The following NRG1 variants were observed in gnomAD, a reference collection of about 807,000 sequenced individuals.
The protein encoded by NRG1 is pro-neuregulin-1, membrane-bound isoform.
NRG1 carries 18 observed loss-of-function variants against 63.8 expected under a neutral mutation model. The observed-to-expected ratio is 0.28, with a 90% CI of 0.19 to 0.42. The LOEUF (loss-of-function observed/expected upper bound fraction) is 0.42. Ranked by LOEUF, NRG1 falls within the 10% of genes least tolerant of loss-of-function variation. The pLI is 1.00. For synonymous variants in NRG1, 302 were observed against 301.3 expected (o/e 1.00, Z -0.02); for missense variants, 762 against 814.7 (o/e 0.94, Z 0.79).
At chr8:31,751,232 G>A (rs1030518618) in intron 1 of NRG1, among the ~76,000 whole-genome samples, 1 of 151,978 alleles carries the variant, frequency 6.6e-6, no homozygotes, top group Non-Finnish European at 1.5e-5. Flanking sequence ...GGCTCTCTCT[G>A]TATATCACTT....
At chr8:32,652,824 C>T (rs983534913) in intron 5 of NRG1, among the ~76,000 whole-genome samples, 5 of 152,020 alleles carry the variant, frequency 3.3e-5, no homozygotes, top group Non-Finnish European at 7.4e-5. Flanking sequence ...TCCCAGAAAA[C>T]GATGTTCCAA....
At chr8:31,856,911 C>T in intron 1 of NRG1, among the ~76,000 whole-genome samples, 1 of 152,172 alleles carries the variant, frequency 6.6e-6, no homozygotes, top group Non-Finnish European at 1.5e-5. Context: ...GGATGCCTCC[C>T]AGTTAGGCTG....
chr8:32,670,347 C>T (rs944726344), intron 5 of NRG1, among the ~76,000 whole-genome samples: 4 of 152,122 alleles, frequency 2.6e-5, no homozygotes, highest in Non-Finnish European at 5.9e-5. Context: ...TTTTTGCTTC[C>T]ACATGGAATC....
intron 1 of NRG1, among the ~76,000 whole-genome samples, chr8:31,828,605 C>G (rs1301442251): frequency 2.0e-5 from 3 of 152,144 alleles, no homozygotes; most frequent in African/African-American, 7.2e-5. Flanking sequence ...TGGCAGAAAG[C>G]AAAACAGCAG....
intron 1 of NRG1, among the ~76,000 whole-genome samples, chr8:32,135,255 A>G (rs2131667707): frequency 6.6e-6 from 1 of 152,314 alleles, no homozygotes; most frequent in South Asian, 2.1e-4. Context: ...GGAGAAGACT[A>G]TGCTGAGGAA....
At chr8:32,464,639 C>A (rs1436209053) in intron 1 of NRG1, among the ~76,000 whole-genome samples, 1 of 152,086 alleles carries the variant, frequency 6.6e-6, no homozygotes, top group Non-Finnish European at 1.5e-5. Context: ...CTTGTACAAC[C>A]ATTATATCTG....
intron 1 of NRG1, among the ~76,000 whole-genome samples, chr8:32,506,968 C>T: frequency 6.6e-6 from 1 of 152,108 alleles, no homozygotes; most frequent in East Asian, 1.9e-4. Context: ...TACCCTCAAC[C>T]CATTTAGCCA....
intron 1 of NRG1, among the ~76,000 whole-genome samples, chr8:32,372,482 C>T (rs1809033736): frequency 6.6e-6 from 1 of 152,088 alleles, no homozygotes; most frequent in Non-Finnish European, 1.5e-5. Flanking sequence ...TAGAAGGCAG[C>T]AATTGGTGAG....
chr8:31,689,930 A>G (rs1809316936), intron 1 of NRG1, among the ~76,000 whole-genome samples: 1 of 152,212 alleles, frequency 6.6e-6, no homozygotes, highest in East Asian at 1.9e-4. Context: ...ATATTTGAGT[A>G]AAGGCTTTGA....
At chr8:32,724,346 AT>A (rs747305880) in intron 5 of NRG1, among the ~76,000 whole-genome samples, 1 of 152,138 alleles carries the variant, frequency 6.6e-6, no homozygotes, top group Non-Finnish European at 1.5e-5. Flanking sequence ...CATCTTTTAT[AT>A]ATTGAAACAT....
intron 1 of NRG1, among the ~76,000 whole-genome samples, chr8:32,372,284 C>G (rs1046751065): frequency 3.9e-5 from 6 of 151,934 alleles, no homozygotes; most frequent in Non-Finnish European, 5.9e-5. Flanking sequence ...CCCAGTGTGC[C>G]CAGCGCTGTT....
intron 1 of NRG1, among the ~76,000 whole-genome samples, chr8:31,788,445 T>C (rs535621256): frequency 1.3e-5 from 2 of 152,316 alleles, no homozygotes; most frequent in South Asian, 4.1e-4. Flanking sequence ...ACCTATTGTC[T>C]TCTTAAATCT....
chr8:32,523,815 C>A (rs1288078291), intron 1 of NRG1, among the ~76,000 whole-genome samples: 1 of 151,934 alleles, frequency 6.6e-6, no homozygotes, highest in Non-Finnish European at 1.5e-5. Context: ...TGCACTCCAG[C>A]CTGGGAGACA....
At chr8:32,533,085 A>G (rs558796727) in intron 1 of NRG1, among the ~76,000 whole-genome samples, 1 of 151,530 alleles carries the variant, frequency 6.6e-6, no homozygotes, top group South Asian at 2.1e-4. Context: ...TTTTTTCTTT[A>G]TCTTTCATAA....
At chr8:31,734,298 C>T (rs1365309324) in intron 1 of NRG1, among the ~76,000 whole-genome samples, 3 of 152,146 alleles carry the variant, frequency 2.0e-5, no homozygotes, top group African/African-American at 4.8e-5. Context: ...TGCACTCCAG[C>T]CTGGGTGACA....
intron 1 of NRG1, among the ~76,000 whole-genome samples, chr8:31,822,624 C>A (rs531850989): frequency 6.6e-6 from 1 of 152,180 alleles, no homozygotes; most frequent in South Asian, 2.1e-4. Context: ...TGATATTTAG[C>A]CTATTAAAAA....
In NRG1 at chr8:32,320,097, T is replaced by A. The variant is rs531297343; in HGVS notation, c.38-275731T>A. Among the ~76,000 whole-genome samples the A allele has an allele frequency of 1.5e-4, 23 of 152,290 alleles. No individual in the cohort carries two copies. The East Asian group carries it at 4.3e-3, about 28-fold the overall frequency. ...GAGCAAGTTATTTTAAATTGCTGGA[T>A]CTTGTTTTCCTCATTTACAAAATAG... is the stretch of plus-strand genomic sequence containing the variant. On this transcript the variant is annotated intron_variant, in intron 1 of 10. Coordinates refer to the NRG1 transcript ENST00000519301.
intron 1 of NRG1, among the ~76,000 whole-genome samples, chr8:32,323,132 G>T (rs1801607657): frequency 6.6e-6 from 1 of 151,942 alleles, no homozygotes; most frequent in Admixed American, 6.6e-5. Flanking sequence ...AGTATATGAG[G>T]TCACCTCTGA....
chr8:32,743,705 A>C (rs868334466), intron 7 of NRG1, among the ~76,000 whole-genome samples: 24 of 151,320 alleles, frequency 1.6e-4, no homozygotes, highest in African/African-American at 5.6e-4. Context: ...ACATAATTAT[A>C]TAAACCAAAC....
Sources: allele counts gnomAD v4.1 joint callset (sites outside exome capture counted in the v4.1 genomes callset), GRCh38; gene constraint gnomAD v4.1.1; transcripts MANE v1.5; gene names NCBI Gene and HGNC (gene_info 2026-07-23, HGNC 2026-07-21).